The following NR3C1 variants were observed in gnomAD, a reference collection of about 807,000 sequenced individuals.
NR3C1 encodes the protein glucocorticoid receptor.
Under a neutral mutation model 74.0 loss-of-function variants are expected in NR3C1, and 14 were observed. The observed-to-expected ratio is 0.19, with a 90% CI of 0.12 to 0.30. The LOEUF (loss-of-function observed/expected upper bound fraction) is 0.30, where lower values mean the gene tolerates loss of function less well. Among genes scored for constraint, NR3C1 ranks in the 10% least tolerant of loss-of-function variants. The pLI, the probability that NR3C1 is intolerant of heterozygous loss-of-function variation, is 1.00. For missense variants in NR3C1, 695 were observed against 909.8 expected (o/e 0.76, Z 3.04); for synonymous variants, 308 against 332.5 (o/e 0.93, Z 0.80).
intron 7 of NR3C1, among the ~76,000 whole-genome samples, chr5:143,288,637 A>G (rs1815129896): frequency 6.6e-6 from 1 of 151,888 alleles, no homozygotes. Context: ...ATGCCTGGCT[A>G]ATTTTTTCTA....
chr5:143,326,685 T>G (rs1824679588), intron 2 of NR3C1, among the ~76,000 whole-genome samples: 1 of 152,222 alleles, frequency 6.6e-6, no homozygotes, highest in African/African-American at 2.4e-5. Flanking sequence ...TGAAATATAC[T>G]GTCCCACTAA....
intron 2 of NR3C1, among the ~76,000 whole-genome samples, chr5:143,378,846 T>C (rs899039064): frequency 1.3e-5 from 2 of 152,294 alleles, no homozygotes; most frequent in East Asian, 3.9e-4. Context: ...ATACTGTTCT[T>C]TTTCCTATCT....
intron 2 of NR3C1, among the ~76,000 whole-genome samples, chr5:143,397,259 G>T (rs970692748): frequency 6.6e-6 from 1 of 151,692 alleles, no homozygotes; most frequent in African/African-American, 2.4e-5. Flanking sequence ...AATTTAAAAG[G>T]AATTCAAGTT....
At chr5:143,409,701 T>A (rs1841231489) in intron 1 of NR3C1, among the ~76,000 whole-genome samples, 1 of 152,242 alleles carries the variant, frequency 6.6e-6, no homozygotes, top group Admixed American at 6.5e-5. Context: ...ATTTGTATTT[T>A]ATGCCAGACA....
chr5:143,279,094 G>A lies in NR3C1; in HGVS notation c.*2795C>T. On this transcript the variant is annotated 3_prime_UTR_variant, in exon 9 of 9. Coordinates refer to ENST00000394464, the MANE Select transcript of NR3C1 (RefSeq NM_000176.3). Reference sequence around the variant, plus strand: ...ACTACAAACTTCAACAGTTTGGGTTGGGATGGCCAGATAACACATACATAG... The same window carrying A: ...ACTACAAACTTCAACAGTTTGGGTTAGGATGGCCAGATAACACATACATAG... The A allele has an allele frequency of 2.3e-6, 1 of 430,508 alleles. No individual in the cohort carries two copies. Among genetic ancestry groups the A allele is most frequent in the East Asian group, 4.8e-5 (1 of 21,028 alleles). The allele number at this position is 430,508 out of a possible 1,614,324, so 26.7% of individuals were successfully genotyped here.
At chr5:143,315,166 T>A (rs944539982) in intron 2 of NR3C1, among the ~76,000 whole-genome samples, 1 of 152,228 alleles carries the variant, frequency 6.6e-6, no homozygotes, top group South Asian at 2.1e-4. Flanking sequence ...TAAAGATATA[T>A]TTTTATAAAC....
At chr5:143,374,702 T>C (rs897994621) in intron 2 of NR3C1, among the ~76,000 whole-genome samples, 1 of 151,922 alleles carries the variant, frequency 6.6e-6, no homozygotes, top group Admixed American at 6.6e-5. Context: ...AAAAAAACAG[T>C]GAGTCAAAAA....
chr5:143,304,505 A>G (rs1252571352), intron 4 of NR3C1, among the ~76,000 whole-genome samples: 1 of 152,190 alleles, frequency 6.6e-6, no homozygotes, highest in East Asian at 1.9e-4. Context: ...TATAGATTCA[A>G]CACTATTCCT....
In NR3C1 at chr5:143,338,343, CCTT is replaced by C. The variant is rs375539230; in HGVS notation, c.1185-24178_1185-24176del. The stretch of plus-strand genomic sequence containing the variant: ...CATTATTTTAGAGTGTACTTCTTGT[CCTT>C]TTTTTTTTTTGTTAACTGTCAAACA... On this transcript the variant is annotated intron_variant, in intron 2 of 8. Coordinates refer to ENST00000394464, the MANE Select transcript of NR3C1 (RefSeq NM_000176.3). 3.3e-3 allele frequency among the ~76,000 whole-genome samples: 484 copies of C among 146,908 alleles called. 2 individuals carry two copies. The highest frequency in any genetic ancestry group is 0.012 in the African/African-American group (471 of 39,644).
chr5:143,399,834 T>C lies in NR3C1; in HGVS notation c.1006A>G (p.Met336Val). ...TSGGQMYHYD[M>V]NTASLSQQQD... ...TGTTGAGAAAGGGATGCTGTATTCATGTCATAGTGGTACATCTGTCCTCCA... is the reference window on the plus strand; with the variant it reads ...TGTTGAGAAAGGGATGCTGTATTCACGTCATAGTGGTACATCTGTCCTCCA... Residue 336 changes from methionine to valine, a missense_variant, in exon 2 of 9, where the codon ATG (methionine) becomes GTG (valine). By Grantham distance (21) the Met-to-Val change is conservative. This residue lies in a region of NR3C1 where 497 missense variants were observed against 489.5 expected (regional missense o/e 1.02). Coordinates refer to ENST00000394464, the MANE Select transcript of NR3C1 (RefSeq NM_000176.3). 4 of 1,614,202 alleles carry C rather than the reference T, an allele frequency of 2.5e-6. No homozygotes were observed. The highest frequency in any genetic ancestry group is 1.1e-5 in the South Asian group (1 of 91,084).
chr5:143,420,990 C>T (rs367895631), intron 1 of NR3C1, among the ~76,000 whole-genome samples: 6 of 152,140 alleles, frequency 3.9e-5, no homozygotes, highest in African/African-American at 1.4e-4. Context: ...CATTTTTCTC[C>T]TATATGTATA....
chr5:143,289,578 AT>A, intron 7 of NR3C1, among the ~76,000 whole-genome samples: 1 of 152,320 alleles, frequency 6.6e-6, no homozygotes, highest in Non-Finnish European at 1.5e-5. Context: ...TCATCTCTAC[AT>A]TTTTTTAAGA....
chr5:143,358,933 C>T (rs1473092023), intron 2 of NR3C1, among the ~76,000 whole-genome samples: 1 of 152,048 alleles, frequency 6.6e-6, no homozygotes, highest in Non-Finnish European at 1.5e-5. Context: ...TATGCAGAAC[C>T]TCCAATACGT....
intron 1 of NR3C1, among the ~76,000 whole-genome samples, chr5:143,417,348 C>T (rs1750961867): frequency 6.6e-6 from 1 of 152,132 alleles, no homozygotes; most frequent in Non-Finnish European, 1.5e-5. Flanking sequence ...ACTTCTCTCT[C>T]TCATCAGTGG....
At chr5:143,379,040 C>A (rs1213273769) in intron 2 of NR3C1, among the ~76,000 whole-genome samples, 1 of 152,184 alleles carries the variant, frequency 6.6e-6, no homozygotes, top group Non-Finnish European at 1.5e-5. Context: ...ATTTGTATCT[C>A]TTAACTCTGA....
chr5:143,379,790 C>A (rs1027756027), intron 2 of NR3C1, among the ~76,000 whole-genome samples: 1 of 152,182 alleles, frequency 6.6e-6, no homozygotes, highest in Admixed American at 6.5e-5. Context: ...TACAGCCAAC[C>A]AGCCAACTGA....
At chr5:143,349,328 C>T (rs377216093) in intron 2 of NR3C1, among the ~76,000 whole-genome samples, 1 of 152,178 alleles carries the variant, frequency 6.6e-6, no homozygotes, top group Admixed American at 6.6e-5. Context: ...CAATTGCCTA[C>T]TCTCTTCATG....
rs933250523 is a variant in NR3C1, at chr5:143,278,385, C to T, written c.*3504G>A. 2 of 152,170 alleles carry T rather than the reference C, an allele frequency of 1.3e-5. No homozygotes were observed. Among genetic ancestry groups the T allele is most frequent in the Non-Finnish European group, 2.9e-5 (2 of 68,032 alleles). The allele number at this position is 152,170 out of a possible 1,614,324, so 9.4% of individuals were successfully genotyped here. A position where few individuals can be genotyped will look rare whatever the true frequency, so the allele number is the denominator to read the frequency against. The stretch of plus-strand genomic sequence containing the variant: ...GCAAGTTATTTGAGGAGGGTATTTT[C>T]ATACAGCCTTTCATCAGAAAATAAA... On this transcript the variant is annotated 3_prime_UTR_variant, in exon 9 of 9. Coordinates refer to ENST00000394464, the MANE Select transcript of NR3C1 (RefSeq NM_000176.3).
In NR3C1 at chr5:143,310,351, A is replaced by G. The variant is rs1387000898; in HGVS notation, c.1352-138T>C. 8.7e-6 allele frequency: 6 copies of G among 689,814 alleles called. No individual in the cohort carries two copies. The East Asian group carries it at 1.4e-4, about 16-fold the overall frequency. 42.7% of individuals were successfully genotyped at this position (689,814 alleles called of 1,614,324 possible). ...GCCTTGAGGGAATGTTCTTGCCTAC[A>G]TTGCCATTATGAGGTCGAGAGGTCA... On this transcript the variant is annotated intron_variant, in intron 3 of 8. Coordinates refer to ENST00000394464, the MANE Select transcript of NR3C1 (RefSeq NM_000176.3).
Sources: allele counts gnomAD v4.1 joint callset (sites outside exome capture counted in the v4.1 genomes callset), GRCh38; gene constraint gnomAD v4.1.1; regional missense constraint gnomAD v4.1.1; transcripts MANE v1.5; gene names NCBI Gene and HGNC (gene_info 2026-07-23, HGNC 2026-07-21).